Variants in ASIC2 observed in about 807,000 individuals in gnomAD.
ASIC2 encodes the protein acid-sensing ion channel 2.
ASIC2 carries 25 observed loss-of-function variants against 57.3 expected under a neutral mutation model. The ratio of observed to expected loss-of-function variants is 0.44; its 90% CI spans 0.32 to 0.61. The LOEUF is 0.61. ASIC2 is among the 20% of genes least tolerant of loss of function. The pLI, the probability that ASIC2 is intolerant of heterozygous loss-of-function variation, is 0.06. For missense variants in ASIC2, 641 were observed against 738.1 expected, an observed-to-expected ratio of 0.87 and a Z score of 1.52; for synonymous variants, 319 against 307.5, an observed-to-expected ratio of 1.04 and a Z score of -0.39.
At chr17:33,218,580 T>C (rs1308382116) in intron 1 of ASIC2, among the ~76,000 whole-genome samples, 1 of 144,078 alleles carries the variant, frequency 6.9e-6, no homozygotes, top group Non-Finnish European at 1.5e-5. Flanking sequence ...GCCTATTAAG[T>C]GGGAGCATCC....
At chr17:33,159,195 G>A (rs574600284) in intron 1 of ASIC2, among the ~76,000 whole-genome samples, 20 of 152,312 alleles carry the variant, frequency 1.3e-4, no homozygotes, top group African/African-American at 4.6e-4. Context: ...CTTAACAACA[G>A]TAATTTGGGC....
At chr17:33,547,825 C>T (rs1479171084) in intron 1 of ASIC2, among the ~76,000 whole-genome samples, 1 of 152,198 alleles carries the variant, frequency 6.6e-6, no homozygotes, top group Non-Finnish European at 1.5e-5. Flanking sequence ...AGACCAGTCT[C>T]CCCACCTCAT....
chr17:33,583,434 C>T (rs944045137), intron 1 of ASIC2, among the ~76,000 whole-genome samples: 2 of 151,966 alleles, frequency 1.3e-5, no homozygotes, highest in African/African-American at 4.8e-5. Flanking sequence ...TGCCTGCCTC[C>T]CTAGAAGAGA....
chr17:34,093,611 G>A (rs1039347201), intron 1 of ASIC2, among the ~76,000 whole-genome samples: 2 of 152,242 alleles, frequency 1.3e-5, no homozygotes, highest in African/African-American at 4.8e-5. Flanking sequence ...TTGGCTGGAT[G>A]ACTGCATGAA....
intron 1 of ASIC2, among the ~76,000 whole-genome samples, chr17:34,052,319 G>A (rs1300925138): frequency 4.6e-5 from 7 of 152,162 alleles, no homozygotes; most frequent in African/African-American, 1.4e-4. Context: ...TCTTCAGTTT[G>A]ATAGTTTCAG....
intron 1 of ASIC2, among the ~76,000 whole-genome samples, chr17:33,886,764 A>G (rs571884294): frequency 1.5e-4 from 23 of 152,136 alleles, no homozygotes; most frequent in African/African-American, 5.3e-4. Flanking sequence ...GTAAATCCTT[A>G]GTACTTGACG....
intron 1 of ASIC2, among the ~76,000 whole-genome samples, chr17:33,995,008 C>T (rs553472946): frequency 6.6e-6 from 1 of 152,236 alleles, no homozygotes; most frequent in Admixed American, 6.5e-5. Flanking sequence ...TCAAAGAAAT[C>T]CTGAGATGTG....
intron 3 of ASIC2, among the ~76,000 whole-genome samples, chr17:33,088,150 G>A (rs1439220709): frequency 6.6e-6 from 1 of 152,130 alleles, no homozygotes; most frequent in Non-Finnish European, 1.5e-5. Context: ...TGTCTCTCCA[G>A]TTTTTATTCT....
At chr17:34,151,115 A>AAAT (rs1555535973) in intron 1 of ASIC2, among the ~76,000 whole-genome samples, 23 of 129,686 alleles carry the variant, frequency 1.8e-4, no homozygotes, top group African/African-American at 6.0e-4. Context: ...GAAAAAAAAA[A>AAAT]AAAAAAAAAA....
At chr17:34,147,797 T>C (rs1904351356) in intron 1 of ASIC2, among the ~76,000 whole-genome samples, 1 of 151,948 alleles carries the variant, frequency 6.6e-6, no homozygotes, top group African/African-American at 2.4e-5. Context: ...CACAGCAAAT[T>C]TTCAGGTCTC....
chr17:33,015,668 C>T (rs1454475629), intron 9 of ASIC2, among the ~76,000 whole-genome samples: 4 of 152,208 alleles, frequency 2.6e-5, no homozygotes, highest in East Asian at 1.9e-4. Flanking sequence ...CAGTTCTCCC[C>T]CTGCTGTGAG....
chr17:33,935,332 C>T, intron 1 of ASIC2: 1 of 152,184 alleles, frequency 6.6e-6, no homozygotes, highest in East Asian at 1.9e-4. Flanking sequence ...ATCATCAGCC[C>T]ACTAGCCAAG....
At chr17:33,272,036 T>C (rs1904512054) in intron 1 of ASIC2, among the ~76,000 whole-genome samples, 1 of 140,872 alleles carries the variant, frequency 7.1e-6, no homozygotes, top group African/African-American at 2.5e-5. Flanking sequence ...GACTTGGCAC[T>C]GTATCTCTTC....
At chr17:33,986,171 C>A in intron 1 of ASIC2, among the ~76,000 whole-genome samples, 1 of 151,830 alleles carries the variant, frequency 6.6e-6, no homozygotes, top group East Asian at 1.9e-4. Flanking sequence ...TTTGTCTTTT[C>A]CATTAAACTG....
chr17:34,128,507 T>C (rs1178487272), intron 1 of ASIC2, among the ~76,000 whole-genome samples: 1 of 152,208 alleles, frequency 6.6e-6, no homozygotes, highest in East Asian at 1.9e-4. Flanking sequence ...GGCCTGTTTA[T>C]GTCACTGCAT....
intron 3 of ASIC2, among the ~76,000 whole-genome samples, chr17:33,085,733 A>C (rs2092131753): frequency 6.6e-6 from 1 of 152,192 alleles, no homozygotes. Flanking sequence ...TAATTCCCCC[A>C]GTGTGGGTAT....
intron 1 of ASIC2, among the ~76,000 whole-genome samples, chr17:33,486,651 G>C (rs981248673): frequency 2.4e-4 from 37 of 152,182 alleles, no homozygotes; most frequent in Admixed American, 4.6e-4. Flanking sequence ...TGTTTTGGAG[G>C]AATGTCCTAA....
rs147156568 is a variant in ASIC2 at position 34,074,478 on chromosome 17, G to A, written c.555+81500C>T. 4.6e-3 allele frequency among the ~76,000 whole-genome samples: 702 copies of A among 152,258 alleles called. 5 individuals carry two copies. The highest frequency in any genetic ancestry group is 0.017 in the Middle Eastern group (5 of 294). ...ACCCTCTCTCTATGCATAGGGCTAG[G>A]AGGTCTGTCTTTACAAGTGTACTTT... is the stretch of plus-strand genomic sequence containing the variant. On this transcript the variant is annotated intron_variant, in intron 1 of 9. Transcript: ENST00000359872.
At chr17:33,722,368 T>C (rs1447012982) in intron 1 of ASIC2, among the ~76,000 whole-genome samples, 1 of 152,192 alleles carries the variant, frequency 6.6e-6, no homozygotes, top group East Asian at 1.9e-4. Context: ...CAGTCTCAGG[T>C]ATGTCCTTAT....
Sources: gnomAD v4.1 joint callset for allele counts (sites outside exome capture counted in the v4.1 genomes callset) on GRCh38, gnomAD v4.1.1 for gene constraint, MANE v1.5 for transcripts, NCBI Gene and HGNC (gene_info 2026-07-23, HGNC 2026-07-21) for gene names.